GRIK2: variants seen among roughly 807,000 people sequenced by gnomAD.
GRIK2 encodes glutamate receptor ionotropic, kainate 2.
A neutral mutation model predicts 100.3 loss-of-function variants in GRIK2; 32 were observed. That is an observed-to-expected ratio of 0.32 (90% CI 0.24 to 0.43). The LOEUF (loss-of-function observed/expected upper bound fraction) is 0.43, where lower values mean the gene tolerates loss of function less well. Among genes scored for constraint, GRIK2 ranks in the 20% least tolerant of loss-of-function variants. The pLI is 1.00. For missense variants in GRIK2, 843 were observed against 1,114.9 expected (o/e 0.76, Z 3.47); for synonymous variants, 417 against 389.4 (o/e 1.07, Z -0.83).
chr6:101,603,914 AT>A lies in GRIK2; in HGVS notation c.116-18026del, dbSNP rs770824504. Among the ~76,000 whole-genome samples, 106 of 150,564 alleles carry A rather than the reference AT, an allele frequency of 7.0e-4. 1 individual carries two copies. Among genetic ancestry groups the A allele is most frequent in the African/African-American group, 2.1e-3 (86 of 41,180 alleles). ...TAAGAAAAAAGAATTATGTGCATGCATTTTTTTTTAAGGTTTACAACTGCAG... is the reference window on the plus strand; with the variant it reads ...TAAGAAAAAAGAATTATGTGCATGCATTTTTTTTAAGGTTTACAACTGCAG... On this transcript the variant is annotated intron_variant, in intron 2 of 16. Transcript: ENST00000369134.
At chr6:101,870,661 A>G (rs1392239895) in intron 11 of GRIK2, among the ~76,000 whole-genome samples, 2 of 151,828 alleles carry the variant, frequency 1.3e-5, no homozygotes, top group South Asian at 2.1e-4. Flanking sequence ...TTAACTTTAC[A>G]TTGTACGTGT....
At position 101,518,736 on chromosome 6, in the gene GRIK2, G is replaced by A. The variant is rs200830120; in HGVS notation, c.116-103213G>A. ...CATATTAAGGGGTCTGAGGAGGCCT[G>A]CAATAAAGATGCCTATAAAAGTTAC... On this transcript the variant is annotated intron_variant, in intron 2 of 16. Transcript: ENST00000369134. Among the ~76,000 whole-genome samples the A allele has an allele frequency of 5.3e-5, 8 of 152,228 alleles. No homozygotes were observed. The East Asian group carries it at 1.5e-3, about 29-fold the overall frequency.
At chr6:102,026,966 T>C (rs1357239368) in intron 14 of GRIK2, among the ~76,000 whole-genome samples, 1 of 151,262 alleles carries the variant, frequency 6.6e-6, no homozygotes, top group Non-Finnish European at 1.5e-5. Context: ...TGAGTCCAGA[T>C]AGGGCTCAGC....
chr6:101,760,715 A>T (rs1777581821), intron 7 of GRIK2, among the ~76,000 whole-genome samples: 1 of 102,772 alleles, frequency 9.7e-6, no homozygotes, highest in Non-Finnish European at 1.7e-5. Flanking sequence ...TATATATTTA[A>T]TTATATTTAA....
intron 7 of GRIK2, among the ~76,000 whole-genome samples, chr6:101,691,440 G>A (rs1391080427): frequency 6.6e-6 from 1 of 151,720 alleles, no homozygotes; most frequent in African/African-American, 2.4e-5. Flanking sequence ...TGGGATTACA[G>A]GCGCACACCA....
At chr6:101,612,726 G>A (rs1213687396) in intron 2 of GRIK2, among the ~76,000 whole-genome samples, 3 of 146,198 alleles carry the variant, frequency 2.1e-5, no homozygotes, top group African/African-American at 8.1e-5. Flanking sequence ...ATGTGTGTGT[G>A]TGTGTGTGTG....
intron 4 of GRIK2, among the ~76,000 whole-genome samples, chr6:101,631,362 A>T (rs1442590270): frequency 6.6e-6 from 1 of 152,128 alleles, no homozygotes; most frequent in Non-Finnish European, 1.5e-5. Context: ...TTAACAAAAA[A>T]ACTCTGGACT....
At chr6:101,977,776 C>T (rs1020459511) in intron 14 of GRIK2, among the ~76,000 whole-genome samples, 2 of 151,286 alleles carry the variant, frequency 1.3e-5, no homozygotes, top group Non-Finnish European at 3.0e-5. Context: ...CCACCTCTTC[C>T]ACACAATCCT....
chr6:101,595,688 G>GTATA (rs141047474), intron 2 of GRIK2, among the ~76,000 whole-genome samples: 15,946 of 130,200 alleles, frequency 0.12, 992 homozygotes, highest in East Asian at 0.24. Context: ...ATTTGTGCAT[G>GTATA]TATATATATA....
intron 14 of GRIK2, among the ~76,000 whole-genome samples, chr6:101,977,698 GGATTTTCTGGAAGGGA>G (rs1448860277): frequency 6.6e-6 from 1 of 151,936 alleles, no homozygotes; most frequent in African/African-American, 2.4e-5. Flanking sequence ...CTTCCACGGA[GGATTTTCTGGAAGGGA>G]GATTTTAGTG....
At chr6:102,061,751 T>TTAA (rs1181622435) in intron 16 of GRIK2, among the ~76,000 whole-genome samples, 1 of 150,548 alleles carries the variant, frequency 6.6e-6, no homozygotes, top group African/African-American at 2.4e-5. Context: ...ATTAAGATAG[T>TTAA]TAATATACAT....
rs1196521042 is a variant in GRIK2 at position 101,592,609 on chromosome 6, A to G, written c.116-29340A>G. On this transcript the variant is annotated intron_variant, in intron 2 of 16. Transcript: ENST00000369134. ...ATCACATATATATATATATATATAT[A>G]TATATATATATATATTGCTTTTTCA... 2.4e-5 allele frequency among the ~76,000 whole-genome samples: 3 copies of G among 123,588 alleles called. 1 individual carries two copies. Among genetic ancestry groups the G allele is most frequent in the African/African-American group, 1.0e-4 (3 of 28,962 alleles). 81.1% of individuals were successfully genotyped at this position (123,588 alleles called of 152,430 possible). A position where few individuals can be genotyped will look rare whatever the true frequency, so the allele number is the denominator to read the frequency against.
At chr6:101,973,912 C>A (rs1320962908) in intron 14 of GRIK2, among the ~76,000 whole-genome samples, 2 of 151,918 alleles carry the variant, frequency 1.3e-5, no homozygotes, top group Non-Finnish European at 2.9e-5. Context: ...TACAAGTGCT[C>A]AACCTTCCCA....
At chr6:101,943,117 A>G (rs1231151142) in intron 14 of GRIK2, among the ~76,000 whole-genome samples, 1 of 152,208 alleles carries the variant, frequency 6.6e-6, no homozygotes, top group Non-Finnish European at 1.5e-5. Flanking sequence ...AGCTCCAGCC[A>G]TGGCTCTAAG....
intron 4 of GRIK2, among the ~76,000 whole-genome samples, chr6:101,642,843 C>A (rs879317548): frequency 1.3e-5 from 2 of 151,592 alleles, no homozygotes; most frequent in Non-Finnish European, 3.0e-5. Flanking sequence ...TAACATCATT[C>A]CTACCAACAG....
intron 16 of GRIK2, among the ~76,000 whole-genome samples, chr6:102,056,580 G>A (rs562669313): frequency 1.7e-4 from 26 of 151,992 alleles, no homozygotes; most frequent in Admixed American, 3.3e-4. Context: ...ATATTTAAGA[G>A]GTTTATGAAC....
Position 101,680,601 on chromosome 6 carries a change from A to G in GRIK2, c.724-1952A>G, listed in dbSNP as rs925821597. Reference sequence around the variant, plus strand: ...GTATCTGACAAATTTTAAGCATTATATAAGTATTATTTTTAGTTATACATC... The same window carrying G: ...GTATCTGACAAATTTTAAGCATTATGTAAGTATTATTTTTAGTTATACATC... On this transcript the variant is annotated intron_variant, in intron 5 of 16. Coordinates refer to ENST00000369134, the MANE Select transcript of GRIK2 (RefSeq NM_021956.5). 5.3e-5 allele frequency among the ~76,000 whole-genome samples: 8 copies of G among 152,306 alleles called. No homozygotes were observed. The South Asian group carries it at 8.3e-4, about 16-fold the overall frequency.
intron 2 of GRIK2, among the ~76,000 whole-genome samples, chr6:101,480,587 TC>T (rs1223862493): frequency 6.6e-6 from 1 of 152,156 alleles, no homozygotes; most frequent in East Asian, 1.9e-4. Flanking sequence ...TAAGGCAATC[TC>T]CCAGACAAAG....
intron 14 of GRIK2, among the ~76,000 whole-genome samples, chr6:101,972,078 G>A (rs1406152058): frequency 5.9e-5 from 9 of 151,898 alleles, no homozygotes; most frequent in African/African-American, 9.7e-5. Flanking sequence ...TGTCTTTTTG[G>A]TAGAATGATT....
Sources: allele counts gnomAD v4.1 joint callset (sites outside exome capture counted in the v4.1 genomes callset), GRCh38; gene constraint gnomAD v4.1.1; transcripts MANE v1.5; gene names NCBI Gene and HGNC (gene_info 2026-07-23, HGNC 2026-07-21).